Variants in FGF14 observed in about 807,000 individuals in gnomAD.
FGF14 encodes fibroblast growth factor 14, also known as fibroblast growth factor homologous factor 4.
In FGF14, 5 loss-of-function variants were observed where a neutral mutation model predicts 25.5. That is an observed-to-expected ratio of 0.20 (90% confidence interval 0.10 to 0.41). The LOEUF (loss-of-function observed/expected upper bound fraction) is 0.41. Among genes scored for constraint, FGF14 ranks in the 10% least tolerant of loss-of-function variants. The probability of loss-of-function intolerance (pLI) is 1.00; values close to 1 mark genes in which losing one functional copy is unlikely to be tolerated. For missense variants in FGF14, 222 were observed against 320.1 expected, an observed-to-expected ratio of 0.69 and a Z score of 2.34; for synonymous variants, 138 against 118.3, an observed-to-expected ratio of 1.17 and a Z score of -1.08.
intron 1 of FGF14, among the ~76,000 whole-genome samples, chr13:101,971,036 A>G (rs895977980): frequency 6.6e-6 from 1 of 152,108 alleles, no homozygotes; most frequent in African/African-American, 2.4e-5. Flanking sequence ...TAATCTCTCT[A>G]CTATCAAGTT....
chr13:102,143,082 T>A (rs2140464580), intron 1 of FGF14, among the ~76,000 whole-genome samples: 1 of 152,272 alleles, frequency 6.6e-6, no homozygotes, highest in South Asian at 2.1e-4. Context: ...CATGGCTGAA[T>A]CCACAGAAAA....
At position 101,715,331 on chromosome 13, in the gene FGF14, G is replaced by A; in HGVS notation, c.*7500C>T. The stretch of plus-strand genomic sequence containing the variant: ...AGCCTAGCTGGAGTGATACAGGATG[G>A]TGACTATCTGATCGGTAAAGGGTGG... On this transcript the variant is annotated 3_prime_UTR_variant, in exon 5 of 5. Transcript: ENST00000376143. 2.0e-6 allele frequency: 1 copy of A among 494,064 alleles called. No individual in the cohort carries two copies. Among genetic ancestry groups the A allele is most frequent in the Non-Finnish European group, 3.6e-6 (1 of 274,620 alleles). The allele number at this position is 494,064 out of a possible 1,614,324, so 30.6% of individuals were successfully genotyped here. A position where few individuals can be genotyped will look rare whatever the true frequency, so the allele number is the denominator to read the frequency against.
intron 1 of FGF14, among the ~76,000 whole-genome samples, chr13:102,305,952 A>C (rs566711363): frequency 6.6e-6 from 1 of 152,296 alleles, no homozygotes; most frequent in South Asian, 2.1e-4. Flanking sequence ...GCCCTGGGGA[A>C]GCATTTAGGA....
At chr13:101,820,756 C>T (rs887480395) in intron 3 of FGF14, among the ~76,000 whole-genome samples, 3 of 89,458 alleles carry the variant, frequency 3.4e-5, no homozygotes, top group Non-Finnish European at 5.9e-5. Flanking sequence ...GCTACAGCTA[C>T]AGTACACACA....
chr13:102,225,633 T>C lies in FGF14; in HGVS notation c.208+175838A>G, dbSNP rs139954472. Among the ~76,000 whole-genome samples, 154 of 152,260 alleles carry C rather than the reference T, an allele frequency of 1.0e-3. 2 individuals are homozygous for C. The highest frequency in any genetic ancestry group is 3.3e-3 in the African/African-American group (137 of 41,544). ...ACTGATAATATTAGGTCCCTGAGTA[T>C]ACATTAAAGGCAGAAGAAAATTACA... On this transcript the variant is annotated intron_variant, in intron 1 of 4. Coordinates refer to the FGF14 transcript ENST00000376131.
chr13:102,167,684 T>C (rs2048074952), intron 1 of FGF14, among the ~76,000 whole-genome samples: 1 of 152,096 alleles, frequency 6.6e-6, no homozygotes, highest in Non-Finnish European at 1.5e-5. Context: ...ACTGAACCTG[T>C]TGAGTCAAGA....
rs190631448 is a variant in FGF14 at position 102,044,047 on chromosome 13, A to G, written c.209-168751T>C. 2.0e-3 allele frequency among the ~76,000 whole-genome samples: 299 copies of G among 152,320 alleles called. 2 individuals carry two copies. Among genetic ancestry groups the G allele is most frequent in the African/African-American group, 6.6e-3 (275 of 41,588 alleles). ...ACTGGAATGTGAATGCCAATGCCCA[A>G]AGTAAGGTGGCTCTGGCCAGCCATG... On this transcript the variant is annotated intron_variant, in intron 1 of 4. Coordinates refer to the FGF14 transcript ENST00000376131.
intron 3 of FGF14, among the ~76,000 whole-genome samples, chr13:101,757,115 G>A (rs963040767): frequency 2.0e-5 from 3 of 152,138 alleles, no homozygotes; most frequent in African/African-American, 7.2e-5. Flanking sequence ...CAAATATGGT[G>A]TTCAACATTA....
intron 3 of FGF14, among the ~76,000 whole-genome samples, chr13:101,735,334 T>C (rs2036106631): frequency 6.6e-6 from 1 of 152,172 alleles, no homozygotes; most frequent in African/African-American, 2.4e-5. Flanking sequence ...ATAGAAAATA[T>C]GTATTTTATG....
At chr13:101,736,553 G>T (rs540182616) in intron 3 of FGF14, among the ~76,000 whole-genome samples, 92 of 152,014 alleles carry the variant, frequency 6.1e-4, no homozygotes, top group Non-Finnish European at 1.1e-3. Flanking sequence ...ACAAAAACTG[G>T]CAATTAATAA....
At chr13:101,904,569 T>C (rs1398409491) in intron 1 of FGF14, among the ~76,000 whole-genome samples, 2 of 152,206 alleles carry the variant, frequency 1.3e-5, no homozygotes, top group Admixed American at 6.5e-5. Context: ...CGAATGTTCC[T>C]GGGGAGATTC....
At chr13:101,818,606 G>A (rs1009952323) in intron 3 of FGF14, among the ~76,000 whole-genome samples, 2 of 152,156 alleles carry the variant, frequency 1.3e-5, no homozygotes, top group Non-Finnish European at 2.9e-5. Context: ...TTTAGCATTT[G>A]GATGGTTCGG....
chr13:102,156,581 T>C (rs1470978266), intron 1 of FGF14, among the ~76,000 whole-genome samples: 3 of 152,202 alleles, frequency 2.0e-5, no homozygotes, highest in African/African-American at 4.8e-5. Flanking sequence ...ACTGGAAGCA[T>C]TCCCTTTGAA....
chr13:102,035,939 G>T (rs1463347234), intron 1 of FGF14, among the ~76,000 whole-genome samples: 1 of 152,106 alleles, frequency 6.6e-6, no homozygotes, highest in Non-Finnish European at 1.5e-5. Flanking sequence ...AGGAAGGCCT[G>T]GGGAAAGGAA....
chr13:102,048,035 G>A (rs1009622441), intron 1 of FGF14, among the ~76,000 whole-genome samples: 3 of 151,404 alleles, frequency 2.0e-5, no homozygotes, highest in African/African-American at 7.3e-5. Flanking sequence ...AAAAAAAGCA[G>A]CAGTTGATAT....
At chr13:102,313,366 C>A (rs1375468453) in intron 1 of FGF14, among the ~76,000 whole-genome samples, 3 of 152,128 alleles carry the variant, frequency 2.0e-5, no homozygotes, top group Non-Finnish European at 4.4e-5. Flanking sequence ...CTGAGTCTCA[C>A]GAGGTAACAT....
intron 3 of FGF14, among the ~76,000 whole-genome samples, chr13:101,821,035 C>A (rs1566941172): frequency 6.8e-6 from 1 of 148,044 alleles, no homozygotes; most frequent in Admixed American, 6.7e-5. Flanking sequence ...GCAGGCTCCG[C>A]CCCCCGGGAT....
chr13:101,719,043 G>GA lies in FGF14; in HGVS notation c.*3787dup, dbSNP rs1234738545. On this transcript the variant is annotated 3_prime_UTR_variant, in exon 5 of 5. Transcript: ENST00000376143. Reference sequence around the variant, plus strand: ...TATAGCCTTGTTCTGAATTAAAATGGAAAAAATATTTCAATTATTTTCATC... The same window carrying GA: ...TATAGCCTTGTTCTGAATTAAAATGGAAAAAAATATTTCAATTATTTTCATC... 2 of 152,004 alleles carry GA rather than the reference G, an allele frequency of 1.3e-5. No homozygotes were observed. The highest frequency in any genetic ancestry group is 1.5e-5 in the Non-Finnish European group (1 of 67,982). 9.4% of individuals were successfully genotyped at this position (152,004 alleles called of 1,614,324 possible).
chr13:101,812,639 ATATATATATATATATTTTTTTT>A (rs1180487251), intron 3 of FGF14, among the ~76,000 whole-genome samples: 3 of 11,368 alleles, frequency 2.6e-4, no homozygotes, highest in African/African-American at 7.7e-4. Flanking sequence ...ATATATATAT[ATATATATATATATATTTTTTTT>A]TTTTTTTTTT....
Sources: gnomAD v4.1 joint callset for allele counts (sites outside exome capture counted in the v4.1 genomes callset) on GRCh38, gnomAD v4.1.1 for gene constraint, MANE v1.5 for transcripts, NCBI Gene and HGNC (gene_info 2026-07-23, HGNC 2026-07-21) for gene names.